Variants in ROR2 observed in about 807,000 individuals in gnomAD.
ROR2 encodes tyrosine-protein kinase transmembrane receptor ROR2.
ROR2 carries 33 observed loss-of-function variants against 74.9 expected under a neutral mutation model. The ratio of observed to expected loss-of-function variants is 0.44; its 90% confidence interval spans 0.33 to 0.59. The LOEUF is 0.59. Among genes scored for constraint, ROR2 ranks in the 20% least tolerant of loss-of-function variants. The pLI is 0.02. For missense variants in ROR2, 1,216 were observed against 1,313.8 expected, an observed-to-expected ratio of 0.93 and a Z score of 1.15; for synonymous variants, 586 against 558.7, an observed-to-expected ratio of 1.05 and a Z score of -0.69.
chr9:91,748,629 T>G (rs981833635), intron 4 of ROR2, among the ~76,000 whole-genome samples: 2 of 152,138 alleles, frequency 1.3e-5, no homozygotes, highest in Non-Finnish European at 1.5e-5. Flanking sequence ...AAAATAAAAT[T>G]TGGGAGAGAA....
chr9:91,775,689 T>A, intron 2 of ROR2, 52 bp downstream of exon 2: 6 of 1,556,470 alleles, frequency 3.9e-6, no homozygotes, highest in Non-Finnish European at 5.3e-6. Flanking sequence ...AAGATGAGCC[T>A]CAGCACAGGG....
chr9:91,846,707 C>A (rs1828945766), intron 1 of ROR2, among the ~76,000 whole-genome samples: 2 of 152,144 alleles, frequency 1.3e-5, no homozygotes, highest in Non-Finnish European at 2.9e-5. Flanking sequence ...CCTCAGCCCC[C>A]TGATAAGCAC....
At chr9:91,725,744 G>A (rs1188728576) in intron 8 of ROR2, among the ~76,000 whole-genome samples, 1 of 150,922 alleles carries the variant, frequency 6.6e-6, no homozygotes, top group Admixed American at 6.6e-5. Context: ...CATCTCTCTC[G>A]GCCTCTATGA....
intron 1 of ROR2, among the ~76,000 whole-genome samples, chr9:91,884,391 G>A (rs966080890): frequency 6.6e-6 from 1 of 151,806 alleles, no homozygotes; most frequent in African/African-American, 2.4e-5. Flanking sequence ...GGAGTCATGG[G>A]GGGTGGGGGG....
In ROR2 at chr9:91,765,578, G is replaced by A. The variant is rs559528073; in HGVS notation, c.176-8019C>T. 4.1e-4 allele frequency among the ~76,000 whole-genome samples: 62 copies of A among 152,208 alleles called. 1 individual carries two copies. The highest frequency in any genetic ancestry group is 7.1e-4 in the Non-Finnish European group (48 of 68,030). ...GTAAATCTGGCTTCCAGAGATGCCAGTCCCAACTGATTTCTCATGGGAGAG... is the reference window on the plus strand; with the variant it reads ...GTAAATCTGGCTTCCAGAGATGCCAATCCCAACTGATTTCTCATGGGAGAG... On this transcript the variant is annotated intron_variant, in intron 2 of 8. Transcript: ENST00000375708.
At chr9:91,930,507 G>T (rs369447329) in intron 1 of ROR2, among the ~76,000 whole-genome samples, 1 of 152,224 alleles carries the variant, frequency 6.6e-6, no homozygotes, top group South Asian at 2.1e-4. Flanking sequence ...TCTTGCAAGC[G>T]TGACAAACAC....
Position 91,852,998 on chromosome 9 carries a change from G to C in ROR2, c.98-77180C>G, listed in dbSNP as rs1829156572. Among the ~76,000 whole-genome samples, 2 of 152,244 alleles carry C rather than the reference G, an allele frequency of 1.3e-5. 1 individual carries two copies. Among genetic ancestry groups the C allele is most frequent in the Non-Finnish European group, 2.9e-5 (2 of 68,038 alleles). On this transcript the variant is annotated intron_variant, in intron 1 of 8. Coordinates refer to ENST00000375708, the MANE Select transcript of ROR2 (RefSeq NM_004560.4). ...CTGTGAGCACACTCCAGAAAGGCTG[G>C]CGGAGCGCGAGGTTGTGGGCGGGGG...
At chr9:91,909,850 T>TTTG (rs1554691400) in intron 1 of ROR2, among the ~76,000 whole-genome samples, 5 of 107,198 alleles carry the variant, frequency 4.7e-5, no homozygotes, top group South Asian at 3.2e-4. Flanking sequence ...TTGTTTTGTT[T>TTTG]TTTTTTTTTT....
At position 91,726,627 on chromosome 9, in the gene ROR2, C is replaced by T. The variant is rs144447132; in HGVS notation, c.1300G>A (p.Ala434Thr). Residue 434 changes from alanine to threonine, a missense_variant, in exon 8 of 9, where the codon GCA becomes ACA. Coordinates refer to ENST00000375708, the MANE Select transcript of ROR2 (RefSeq NM_004560.4). ...CGCCGCTGCGGTGTGGACGCAGATG[C>T]CTTCTGCTTATTCCGGCACATGCAA... ...LVCMCRNKQKASASTPQRRQL... is the reference protein window; with the variant it reads ...LVCMCRNKQKTSASTPQRRQL... The T allele has an allele frequency of 2.0e-5, 32 of 1,613,780 alleles. No homozygotes were observed. Among genetic ancestry groups the T allele is most frequent in the Non-Finnish European group, 2.2e-5 (26 of 1,180,032 alleles).
intron 1 of ROR2, among the ~76,000 whole-genome samples, chr9:91,796,796 GTGGGGAATGA>G (rs1564282495): frequency 7.9e-6 from 1 of 127,244 alleles, no homozygotes; most frequent in African/African-American, 3.4e-5. Flanking sequence ...GGCTCTGTGG[GTGGGGAATGA>G]CACCCTGGGA....
chr9:91,943,209 T>C (rs1253594623), intron 1 of ROR2, among the ~76,000 whole-genome samples: 1 of 152,134 alleles, frequency 6.6e-6, no homozygotes, highest in African/African-American at 2.4e-5. Context: ...TATTTTTCCC[T>C]GTCCCCATCC....
intron 4 of ROR2, among the ~76,000 whole-genome samples, chr9:91,751,740 A>C (rs547885429): frequency 1.2e-4 from 19 of 152,358 alleles, no homozygotes; most frequent in African/African-American, 4.3e-4. Context: ...AAATGTGCAG[A>C]TACATCAAAG....
chr9:91,811,383 C>T (rs1587741827), intron 1 of ROR2, among the ~76,000 whole-genome samples: 1 of 152,234 alleles, frequency 6.6e-6, no homozygotes, highest in South Asian at 2.1e-4. Context: ...GCCCCAGGTC[C>T]GCCCCAGCGC....
At chr9:91,725,141 C>G (rs1336909441) in intron 8 of ROR2, 34 bp from the exon 9 acceptor site, 10 of 1,610,786 alleles carry the variant, frequency 6.2e-6, no homozygotes, top group Non-Finnish European at 8.5e-6. Context: ...TGAAACATCA[C>G]TGTCACCGCA....
intron 1 of ROR2, among the ~76,000 whole-genome samples, chr9:91,815,193 C>T (rs1311723995): frequency 6.6e-6 from 1 of 152,138 alleles, no homozygotes; most frequent in Non-Finnish European, 1.5e-5. Flanking sequence ...AGAAGGAAAT[C>T]CAGTAACATT....
At position 91,744,887 on chromosome 9, in the gene ROR2, C is replaced by T. The variant is rs955323046; in HGVS notation, c.495-7369G>A. On this transcript the variant is annotated intron_variant, in intron 4 of 8. Coordinates refer to ENST00000375708, the MANE Select transcript of ROR2 (RefSeq NM_004560.4). ...CCCTCCCAGGTAAGCCAAACACTTT[C>T]CCCCTTGGAAGGTTGCTGTATCCTT... 9.9e-4 allele frequency among the ~76,000 whole-genome samples: 150 copies of T among 152,130 alleles called. 1 individual carries two copies. The highest frequency in any genetic ancestry group is 1.1e-3 in the Admixed American group (17 of 15,276).
At chr9:91,817,965 A>T (rs1828002194) in intron 1 of ROR2, among the ~76,000 whole-genome samples, 1 of 152,132 alleles carries the variant, frequency 6.6e-6, no homozygotes, top group Admixed American at 6.5e-5. Flanking sequence ...GGGAGCCTCA[A>T]CACGCTCTGG....
intron 1 of ROR2, among the ~76,000 whole-genome samples, chr9:91,936,802 G>A (rs1476439413): frequency 2.0e-5 from 3 of 151,662 alleles, no homozygotes; most frequent in East Asian, 1.9e-4. Context: ...AGGCCGAGGC[G>A]GGCGGATCAC....
chr9:91,842,474 C>T lies in ROR2; in HGVS notation c.98-66656G>A, dbSNP rs565630468. Among the ~76,000 whole-genome samples the T allele has an allele frequency of 3.9e-5, 6 of 152,368 alleles. No individual in the cohort carries two copies. In the South Asian group the frequency reaches 1.0e-3, roughly 26 times the overall value. On this transcript the variant is annotated intron_variant, in intron 1 of 8. Coordinates refer to ENST00000375708, the MANE Select transcript of ROR2 (RefSeq NM_004560.4). ...AGGCACAAGAACCCAAATGCTGGCC[C>T]TTGGGGGCCGTGTCCTCACCCCGTG...
Sources: gnomAD v4.1 joint callset for allele counts (sites outside exome capture counted in the v4.1 genomes callset) on GRCh38, gnomAD v4.1.1 for gene constraint, MANE v1.5 for transcripts, NCBI Gene and HGNC (gene_info 2026-07-23, HGNC 2026-07-21) for gene names.